Variants in AFAP1 observed in about 807,000 individuals in gnomAD.
AFAP1 encodes actin filament associated protein 1, also known as actin filament-associated protein 1.
Under a neutral mutation model 93.9 loss-of-function variants are expected in AFAP1, and 75 were observed. The ratio of observed to expected loss-of-function variants is 0.80; its 90% CI spans 0.66 to 0.97. The LOEUF (loss-of-function observed/expected upper bound fraction) is 0.97, where lower values mean the gene tolerates loss of function less well. Among genes scored for constraint, AFAP1 ranks in the 50% least tolerant of loss-of-function variants. AFAP1 has a pLI of 0.00. For missense variants in AFAP1, 1,201 were observed against 1,050.8 expected, an observed-to-expected ratio of 1.14 and a Z score of -1.98; for synonymous variants, 517 against 430.7, an observed-to-expected ratio of 1.20 and a Z score of -2.48.
chr4:7,901,268 T>G (rs146898811), intron 1 of AFAP1, among the ~76,000 whole-genome samples: 1 of 152,188 alleles, frequency 6.6e-6, no homozygotes, highest in African/African-American at 2.4e-5. Flanking sequence ...AGGGTGCCTA[T>G]TGCACCTTAA....
In AFAP1 at chr4:7,868,821, A is replaced by G. The variant is rs1035466968; in HGVS notation, c.128-102T>C. ...TGAACCCTGTGTTGAACACTTTGCAAATATTTATTTTCTCTAATCCTTTAC... is the reference window on the plus strand; with the variant it reads ...TGAACCCTGTGTTGAACACTTTGCAGATATTTATTTTCTCTAATCCTTTAC... On this transcript the variant is annotated intron_variant, in intron 2 of 17. Transcript: ENST00000420658. The G allele has an allele frequency of 8.9e-5, 89 of 998,108 alleles. 2 individuals carry two copies. Among genetic ancestry groups the G allele is most frequent in the Non-Finnish European group, 1.0e-4 (67 of 666,206 alleles). The allele number at this position is 998,108 out of a possible 1,614,324, so 61.8% of individuals were successfully genotyped here.
chr4:7,810,100 T>G (rs1002820714), intron 8 of AFAP1, among the ~76,000 whole-genome samples: 1 of 152,232 alleles, frequency 6.6e-6, no homozygotes, highest in South Asian at 2.1e-4. Context: ...TGGACTCAAG[T>G]GATCCACCCA....
At chr4:7,865,100 A>G (rs1716253800) in intron 3 of AFAP1, among the ~76,000 whole-genome samples, 1 of 152,250 alleles carries the variant, frequency 6.6e-6, no homozygotes, top group Non-Finnish European at 1.5e-5. Flanking sequence ...TGTGTTACAA[A>G]AACTGGAAAT....
At position 7,881,737 on chromosome 4, in the gene AFAP1, C is replaced by T. The variant is rs145308114; in HGVS notation, c.-2-9657G>A. Reference sequence around the variant, plus strand: ...GGTGGATTGCAGTGTGCCAAGATCACGCCACTGCACTTCAGCCTGGGCGAC... The same window carrying T: ...GGTGGATTGCAGTGTGCCAAGATCATGCCACTGCACTTCAGCCTGGGCGAC... On this transcript the variant is annotated intron_variant, in intron 1 of 17. Transcript: ENST00000420658. Among the ~76,000 whole-genome samples the T allele has an allele frequency of 8.8e-3, 1,329 of 151,726 alleles. 10 individuals carry two copies. The highest frequency in any genetic ancestry group is 0.024 in the Middle Eastern group (7 of 294).
chr4:7,802,323 G>T (rs923816087), intron 9 of AFAP1, among the ~76,000 whole-genome samples: 1 of 152,222 alleles, frequency 6.6e-6, no homozygotes, highest in African/African-American at 2.4e-5. Context: ...GCCCTCTTGT[G>T]TTCAGAGAGC....
chr4:7,782,422 C>A lies in AFAP1; in HGVS notation c.1531-795G>T, dbSNP rs185055825. 1.3e-5 allele frequency among the ~76,000 whole-genome samples: 2 copies of A among 152,360 alleles called. 1 individual carries two copies. Among genetic ancestry groups the A allele is most frequent in the East Asian group, 3.9e-4 (2 of 5,188 alleles). ...AAGAAAGTGCCACAACCAACACAAG[C>A]AAAACCGTCTGTGAAAAGAGAAATC... On this transcript the variant is annotated intron_variant, in intron 12 of 17. Coordinates refer to ENST00000420658, the MANE Select transcript of AFAP1 (RefSeq NM_001134647.2).
At chr4:7,845,691 C>T (rs1316755184) in intron 4 of AFAP1, among the ~76,000 whole-genome samples, 1 of 152,088 alleles carries the variant, frequency 6.6e-6, no homozygotes, top group African/African-American at 2.4e-5. Context: ...TCACTGGCTC[C>T]ACATCCCCCT....
chr4:7,851,840 G>C (rs1165210619), intron 4 of AFAP1, among the ~76,000 whole-genome samples: 2 of 152,066 alleles, frequency 1.3e-5, no homozygotes, highest in African/African-American at 2.4e-5. Context: ...GTTATCACTG[G>C]TCCACTTCCA....
chr4:7,862,877 T>A (rs1490700370), intron 3 of AFAP1, among the ~76,000 whole-genome samples: 1 of 152,108 alleles, frequency 6.6e-6, no homozygotes, highest in African/African-American at 2.4e-5. Flanking sequence ...CCCCTATGTT[T>A]AGACACAATG....
chr4:7,820,178 G>T (rs1720840503), intron 6 of AFAP1, among the ~76,000 whole-genome samples: 1 of 152,212 alleles, frequency 6.6e-6, no homozygotes, highest in Non-Finnish European at 1.5e-5. Context: ...AGAATCGCCA[G>T]GCCCAGCTGG....
At chr4:7,910,539 G>C (rs1458883731) in intron 1 of AFAP1, among the ~76,000 whole-genome samples, 1 of 152,218 alleles carries the variant, frequency 6.6e-6, no homozygotes, top group Admixed American at 6.5e-5. Flanking sequence ...AGAAAATTGA[G>C]CAATCAGCCT....
In AFAP1 at chr4:7,801,914, CAAAAAAAAAAAA is replaced by C. The variant is rs531684652; in HGVS notation, c.1055-1273_1055-1262del. Among the ~76,000 whole-genome samples, 10 of 65,186 alleles carry C rather than the reference CAAAAAAAAAAAA, an allele frequency of 1.5e-4. 1 individual carries two copies. The highest frequency in any genetic ancestry group is 3.0e-4 in the African/African-American group (5 of 16,578). The allele number at this position is 65,186 out of a possible 152,430, so 42.8% of individuals were successfully genotyped here. A position where few individuals can be genotyped will look rare whatever the true frequency, so the allele number is the denominator to read the frequency against. Reference sequence around the variant, plus strand: ...TGAGCAACACAGTGAGACCCTATCACAAAAAAAAAAAAAAAAAAAAAAAAAAAACTAATCAAT... The same window carrying C: ...TGAGCAACACAGTGAGACCCTATCACAAAAAAAAAAAAAAAACTAATCAAT... On this transcript the variant is annotated intron_variant, in intron 9 of 17. Transcript: ENST00000420658.
intron 1 of AFAP1, among the ~76,000 whole-genome samples, chr4:7,933,043 G>C (rs1299866379): frequency 1.3e-5 from 2 of 150,208 alleles, no homozygotes; most frequent in Admixed American, 6.6e-5. Flanking sequence ...AAAAAAAAGG[G>C]GGGGGATCTT....
Position 7,849,957 on chromosome 4 carries a change from G to A in AFAP1, c.334+5509C>T, listed in dbSNP as rs538289597. ...ACCATGTAAAAGGGGCTGGGGATGG[G>A]GGGTGGAGGGCAGTGAGCAGGGGAG... is the stretch of plus-strand genomic sequence containing the variant. On this transcript the variant is annotated intron_variant, in intron 4 of 17. Transcript: ENST00000420658. 6.2e-4 allele frequency among the ~76,000 whole-genome samples: 95 copies of A among 152,260 alleles called. 1 individual carries two copies. Among genetic ancestry groups the A allele is most frequent in the African/African-American group, 2.2e-3 (91 of 41,546 alleles).
intron 1 of AFAP1, chr4:7,872,283 C>G (rs781101520): frequency 8.9e-6 from 5 of 564,502 alleles, no homozygotes; most frequent in Non-Finnish European, 1.5e-5. Flanking sequence ...TCCTTTGCTT[C>G]TGCTTTAAGG....
chr4:7,898,808 AGTGTGTGTGT>A (rs56404898), intron 1 of AFAP1, among the ~76,000 whole-genome samples: 6 of 136,954 alleles, frequency 4.4e-5, no homozygotes, highest in Non-Finnish European at 6.4e-5. Flanking sequence ...GGGCAGTAGA[AGTGTGTGTGT>A]GTGTGTGTGT....
At chr4:7,908,860 G>C (rs1033295907) in intron 1 of AFAP1, among the ~76,000 whole-genome samples, 6 of 152,180 alleles carry the variant, frequency 3.9e-5, no homozygotes, top group African/African-American at 1.4e-4. Context: ...AAGCTTTGAT[G>C]CCCCAGTACC....
chr4:7,773,046 G>A, intron 15 of AFAP1, 36 bp from the exon 16 acceptor site: 1 of 1,589,528 alleles, frequency 6.3e-7, no homozygotes, highest in Non-Finnish European at 8.5e-7. Context: ...TCCCGCGGCA[G>A]GCACAGGTTC....
intron 1 of AFAP1, among the ~76,000 whole-genome samples, chr4:7,904,719 TTTTG>T: frequency 6.7e-6 from 1 of 149,316 alleles, no homozygotes; most frequent in Non-Finnish European, 1.5e-5. Context: ...TGTTTGTTTG[TTTTG>T]TTTTAGGACG....
Sources: allele counts gnomAD v4.1 joint callset (sites outside exome capture counted in the v4.1 genomes callset), GRCh38; gene constraint gnomAD v4.1.1; transcripts MANE v1.5; gene names NCBI Gene and HGNC (gene_info 2026-07-23, HGNC 2026-07-21).